Variants in C11orf97 observed in about 807,000 individuals in gnomAD.
The protein encoded by C11orf97 is chromosome 11 open reading frame 97, also known as uncharacterized protein C11orf97.
Under a neutral mutation model 16.2 loss-of-function variants are expected in C11orf97, and 15 were observed. That is an observed-to-expected ratio of 0.93 (90% CI 0.62 to 1.43). The LOEUF (loss-of-function observed/expected upper bound fraction) is 1.43, where lower values mean the gene tolerates loss of function less well. Among genes scored for constraint, C11orf97 ranks in the 40% most tolerant of loss-of-function variants. The probability of loss-of-function intolerance (pLI) is 0.00; values close to 1 mark genes in which losing one functional copy is unlikely to be tolerated. For synonymous variants in C11orf97, 61 were observed against 65.7 expected, an observed-to-expected ratio of 0.93 and a Z score of 0.34; for missense variants, 171 against 161.2, an observed-to-expected ratio of 1.06 and a Z score of -0.33.
At chr11:94,520,245 G>A (rs76732528) in intron 2 of C11orf97, among the ~76,000 whole-genome samples, 116 of 152,276 alleles carry the variant, frequency 7.6e-4, no homozygotes, top group African/African-American at 2.7e-3. Flanking sequence ...TGTAACATCT[G>A]ATGTAGTTGT....
At chr11:94,519,819 A>G (rs768922428) in intron 2 of C11orf97, among the ~76,000 whole-genome samples, 3 of 152,204 alleles carry the variant, frequency 2.0e-5, no homozygotes, top group Non-Finnish European at 4.4e-5. Flanking sequence ...GAAGCCACAT[A>G]CCATTGGCCA....
chr11:94,522,578 C>T (rs146868539), intron 2 of C11orf97, among the ~76,000 whole-genome samples: 3 of 152,174 alleles, frequency 2.0e-5, no homozygotes, highest in Admixed American at 6.5e-5. Context: ...CACCTCTCCC[C>T]GACTTGCTGC....
chr11:94,513,801 T>A (rs1013266184), intron 1 of C11orf97, among the ~76,000 whole-genome samples: 2 of 152,182 alleles, frequency 1.3e-5, no homozygotes, highest in African/African-American at 4.8e-5. Context: ...GATTCTTTAC[T>A]CCTACTTAAA....
In C11orf97 at chr11:94,522,331, C is replaced by T. The variant is rs558114860; in HGVS notation, c.250+4644C>T. On this transcript the variant is annotated intron_variant, in intron 2 of 3. Coordinates refer to ENST00000542198, the MANE Select transcript of C11orf97 (RefSeq NM_001190462.2). ...CGGGCGTATCACGAGGTCAGGAGATCGAGACCATCCTGGCTAACATGGTGA... is the reference window on the plus strand; with the variant it reads ...CGGGCGTATCACGAGGTCAGGAGATTGAGACCATCCTGGCTAACATGGTGA... Among the ~76,000 whole-genome samples the T allele has an allele frequency of 4.9e-4, 74 of 152,246 alleles. 2 individuals carry two copies. The highest frequency in any genetic ancestry group is 4.8e-3 in the Admixed American group (73 of 15,294).
intron 1 of C11orf97, among the ~76,000 whole-genome samples, chr11:94,517,324 T>G (rs1947618731): frequency 6.6e-6 from 1 of 152,160 alleles, no homozygotes; most frequent in African/African-American, 2.4e-5. Flanking sequence ...AAACTTTATC[T>G]ATTTCTTCAT....
chr11:94,514,931 C>A (rs558593524), intron 1 of C11orf97, among the ~76,000 whole-genome samples: 6 of 152,238 alleles, frequency 3.9e-5, no homozygotes, highest in African/African-American at 1.2e-4. Flanking sequence ...AGGCATGAGC[C>A]ACCGCGCCTG....
chr11:94,531,268 C>T (rs1200039123), intron 3 of C11orf97, among the ~76,000 whole-genome samples: 4 of 151,930 alleles, frequency 2.6e-5, no homozygotes, highest in African/African-American at 4.8e-5. Flanking sequence ...GGCGAAACCC[C>T]GTCTCTACTA....
intron 3 of C11orf97, among the ~76,000 whole-genome samples, chr11:94,531,526 CAA>C (rs35270400): frequency 0.015 from 1,347 of 92,042 alleles, 21 homozygotes; most frequent in African/African-American, 0.046. Flanking sequence ...CAAAACAAGC[CAA>C]AAAAAAAAAA....
At chr11:94,518,906 A>C (rs1028545759) in intron 2 of C11orf97, among the ~76,000 whole-genome samples, 9 of 147,890 alleles carry the variant, frequency 6.1e-5, no homozygotes, top group Non-Finnish European at 7.5e-5. Context: ...TGTTGTGCCC[A>C]CTTTACATTT....
At chr11:94,527,023 T>C (rs1399449209) in intron 2 of C11orf97, among the ~76,000 whole-genome samples, 2 of 152,244 alleles carry the variant, frequency 1.3e-5, no homozygotes. Context: ...CAAAGCACTT[T>C]ACAGCCATCT....
chr11:94,513,846 G>A (rs1591744683), intron 1 of C11orf97, among the ~76,000 whole-genome samples: 3 of 152,246 alleles, frequency 2.0e-5, no homozygotes, highest in Admixed American at 6.5e-5. Flanking sequence ...AGACAACTCT[G>A]TTGCCAGGCT....
chr11:94,519,154 C>T (rs1375995389), intron 2 of C11orf97, among the ~76,000 whole-genome samples: 1 of 152,084 alleles, frequency 6.6e-6, no homozygotes, highest in Non-Finnish European at 1.5e-5. Context: ...GTGATCTGCC[C>T]ACCTCGGCCT....
intron 3 of C11orf97, among the ~76,000 whole-genome samples, chr11:94,530,300 A>C (rs1303579050): frequency 2.6e-5 from 4 of 152,192 alleles, no homozygotes; most frequent in Admixed American, 2.0e-4. Flanking sequence ...TGTTATTGAC[A>C]CATAGCTTAG....
chr11:94,515,601 T>C (rs375500114), intron 1 of C11orf97, among the ~76,000 whole-genome samples: 20 of 151,828 alleles, frequency 1.3e-4, no homozygotes, highest in African/African-American at 4.6e-4. Flanking sequence ...TTCTCCTTTT[T>C]TTTCCTTTTC....
chr11:94,519,574 T>C (rs560233742), intron 2 of C11orf97, among the ~76,000 whole-genome samples: 2 of 152,240 alleles, frequency 1.3e-5, no homozygotes, highest in Non-Finnish European at 2.9e-5. Context: ...GTGAATAGGA[T>C]GTATCTTTTG....
At chr11:94,522,295 G>A (rs1275530681) in intron 2 of C11orf97, among the ~76,000 whole-genome samples, 1 of 152,192 alleles carries the variant, frequency 6.6e-6, no homozygotes. Flanking sequence ...CAGCACTTTA[G>A]GAGGCTGAGA....
rs1433725621 is a variant in C11orf97, at chr11:94,515,621, TTCCTTTCTCCTTTCCTTTCTTTTG to T, written c.146-1944_146-1921del. ...CTTTTTTTTCCTTTTCCTTTCCTCT[TTCCTTTCTCCTTTCCTTTCTTTTG>T]TCCTTTCTCCTTTCCTTCCCTTTTT... is the stretch of plus-strand genomic sequence containing the variant. On this transcript the variant is annotated intron_variant, in intron 1 of 3. Coordinates refer to ENST00000542198, the MANE Select transcript of C11orf97 (RefSeq NM_001190462.2). Among the ~76,000 whole-genome samples, 35 of 151,818 alleles carry T rather than the reference TTCCTTTCTCCTTTCCTTTCTTTTG, an allele frequency of 2.3e-4. No homozygotes were observed. In the East Asian group the frequency reaches 6.2e-3, roughly 27 times the overall value.
At chr11:94,513,117 G>T (rs1947583032) in intron 1 of C11orf97, among the ~76,000 whole-genome samples, 1 of 152,168 alleles carries the variant, frequency 6.6e-6, no homozygotes. Flanking sequence ...AGAGGAAAGA[G>T]ACTTGCCACA....
At chr11:94,514,936 C>T (rs1947600257) in intron 1 of C11orf97, among the ~76,000 whole-genome samples, 1 of 152,110 alleles carries the variant, frequency 6.6e-6, no homozygotes. Flanking sequence ...TGAGCCACCG[C>T]GCCTGGCCAA....
Sources: gnomAD v4.1 joint callset for allele counts (sites outside exome capture counted in the v4.1 genomes callset) on GRCh38, gnomAD v4.1.1 for gene constraint, MANE v1.5 for transcripts, NCBI Gene and HGNC (gene_info 2026-07-23, HGNC 2026-07-21) for gene names.